The following TMEFF2 variants were observed in gnomAD, a reference collection of about 807,000 sequenced individuals.
The protein encoded by TMEFF2 is transmembrane protein with EGF like and two follistatin like domains 2, also known as tomoregulin-2.
In TMEFF2, 28 loss-of-function variants were observed where a neutral mutation model predicts 53.8. The observed-to-expected ratio is 0.52, with a 90% CI of 0.39 to 0.71. The LOEUF (loss-of-function observed/expected upper bound fraction) is 0.71, where lower values mean the gene tolerates loss of function less well. Ranked by LOEUF, TMEFF2 falls within the 30% of genes least tolerant of loss-of-function variation. The pLI is 0.00. For synonymous variants in TMEFF2, 162 were observed against 166.3 expected, an observed-to-expected ratio of 0.97 and a Z score of 0.20; for missense variants, 353 against 455.2, an observed-to-expected ratio of 0.78 and a Z score of 2.04.
At chr2:192,190,452 T>C (rs1358385182) in intron 2 of TMEFF2, among the ~76,000 whole-genome samples, 1 of 152,202 alleles carries the variant, frequency 6.6e-6, no homozygotes, top group Non-Finnish European at 1.5e-5. Flanking sequence ...TGGGTAAGTA[T>C]GAATTGGGGA....
chr2:192,086,127 G>A (rs926670244), intron 4 of TMEFF2, among the ~76,000 whole-genome samples: 2 of 152,110 alleles, frequency 1.3e-5, no homozygotes, highest in Admixed American at 1.3e-4. Context: ...ATTAGGGAAA[G>A]GCAATTATTT....
chr2:192,068,070 A>G (rs1286242430), intron 4 of TMEFF2, among the ~76,000 whole-genome samples: 2 of 151,886 alleles, frequency 1.3e-5, no homozygotes, highest in Non-Finnish European at 2.9e-5. Flanking sequence ...GAAAAAAAGT[A>G]GAGTTGGGTT....
chr2:192,024,749 A>G (rs1686931293), intron 5 of TMEFF2, among the ~76,000 whole-genome samples: 1 of 152,194 alleles, frequency 6.6e-6, no homozygotes, highest in East Asian at 1.9e-4. Flanking sequence ...CAATCGTCCA[A>G]TGACTTTTGC....
At chr2:192,073,636 C>T (rs1337402080) in intron 4 of TMEFF2, among the ~76,000 whole-genome samples, 2 of 151,818 alleles carry the variant, frequency 1.3e-5, no homozygotes, top group Non-Finnish European at 2.9e-5. Context: ...ATACAATATC[C>T]ATATCTATGA....
intron 7 of TMEFF2, among the ~76,000 whole-genome samples, chr2:191,963,277 C>G (rs1222194927): frequency 6.6e-6 from 1 of 152,184 alleles, no homozygotes; most frequent in Admixed American, 6.5e-5. Context: ...TATTTATTCT[C>G]TTCCTTTTTG....
intron 8 of TMEFF2, among the ~76,000 whole-genome samples, chr2:191,955,170 A>AGAGG (rs57231306): frequency 6.2e-4 from 2 of 3,244 alleles, no homozygotes; most frequent in African/African-American, 7.8e-4. Context: ...AGTGGGAGAG[A>AGAGG]GAGGGAGAGA....
intron 5 of TMEFF2, chr2:192,027,738 C>T (rs953214905): frequency 6.6e-6 from 1 of 152,194 alleles, no homozygotes; most frequent in African/African-American, 2.4e-5. Context: ...TTGTCATCAA[C>T]TTGATATTCT....
intron 2 of TMEFF2, among the ~76,000 whole-genome samples, chr2:192,187,841 A>G (rs1691352915): frequency 1.3e-5 from 2 of 152,254 alleles, no homozygotes; most frequent in South Asian, 4.1e-4. Context: ...CATTTTTGCT[A>G]CAAATTAATA....
intron 7 of TMEFF2, among the ~76,000 whole-genome samples, chr2:191,972,774 A>G (rs1692686022): frequency 6.6e-6 from 1 of 152,212 alleles, no homozygotes; most frequent in Admixed American, 6.5e-5. Context: ...GCTATTTTGT[A>G]CAATGGGAAA....
chr2:192,163,951 A>T (rs1255284452), intron 4 of TMEFF2, among the ~76,000 whole-genome samples: 1 of 152,182 alleles, frequency 6.6e-6, no homozygotes, highest in African/African-American at 2.4e-5. Flanking sequence ...CCCCCAGGAC[A>T]TCTGTCACCT....
At chr2:192,099,206 G>A (rs1370157173) in intron 4 of TMEFF2, among the ~76,000 whole-genome samples, 1 of 151,926 alleles carries the variant, frequency 6.6e-6, no homozygotes, top group Non-Finnish European at 1.5e-5. Flanking sequence ...TAAACAAAAT[G>A]TTATTTTGTT....
At chr2:192,161,288 T>C (rs1377593087) in intron 4 of TMEFF2, among the ~76,000 whole-genome samples, 11 of 152,072 alleles carry the variant, frequency 7.2e-5, no homozygotes, top group Admixed American at 6.6e-4. Context: ...CCCTAGTAGC[T>C]GGGATTACAG....
At chr2:192,078,457 C>T (rs1688482615) in intron 4 of TMEFF2, among the ~76,000 whole-genome samples, 1 of 152,114 alleles carries the variant, frequency 6.6e-6, no homozygotes, top group Admixed American at 6.6e-5. Flanking sequence ...TGTTCCTTTT[C>T]CTCAGAATTA....
chr2:192,082,011 A>C lies in TMEFF2; in HGVS notation c.440-24236T>G, dbSNP rs559264792. Among the ~76,000 whole-genome samples the C allele has an allele frequency of 1.8e-4, 28 of 152,184 alleles. 1 individual carries two copies. The highest frequency in any genetic ancestry group is 3.4e-3 in the Middle Eastern group (1 of 294). On this transcript the variant is annotated intron_variant, in intron 4 of 9. Transcript: ENST00000272771. ...GAGACAGGGTTTCACCGTGTTAGCC[A>C]GGATGGTCTTGATCTCCTGACCTCA...
intron 9 of TMEFF2, among the ~76,000 whole-genome samples, chr2:191,951,320 A>C (rs1025417245): frequency 1.6e-5 from 2 of 123,742 alleles, no homozygotes; most frequent in Non-Finnish European, 3.7e-5. Flanking sequence ...CAACAGGGCA[A>C]CTCTTCATTT....
At chr2:192,071,746 T>C (rs1385522170) in intron 4 of TMEFF2, among the ~76,000 whole-genome samples, 2 of 152,046 alleles carry the variant, frequency 1.3e-5, no homozygotes, top group East Asian at 3.9e-4. Context: ...ATAATCCTTA[T>C]ACTGTATTTA....
chr2:192,041,749 G>A (rs1574317931), intron 5 of TMEFF2, among the ~76,000 whole-genome samples: 1 of 152,102 alleles, frequency 6.6e-6, no homozygotes, highest in Non-Finnish European at 1.5e-5. Flanking sequence ...CCCAAATATG[G>A]TATATTCATA....
At chr2:192,130,697 A>C (rs1574399900) in intron 4 of TMEFF2, among the ~76,000 whole-genome samples, 1 of 148,572 alleles carries the variant, frequency 6.7e-6, no homozygotes, top group South Asian at 2.2e-4. Context: ...AAACGGCCCC[A>C]CCCCTATCTC....
At chr2:192,165,667 T>G (rs1320927055) in intron 4 of TMEFF2, among the ~76,000 whole-genome samples, 2 of 151,448 alleles carry the variant, frequency 1.3e-5, no homozygotes, top group Non-Finnish European at 2.9e-5. Context: ...TCCCATCCAC[T>G]CCCTTTCCTC....
Sources: gnomAD v4.1 joint callset for allele counts (sites outside exome capture counted in the v4.1 genomes callset) on GRCh38, gnomAD v4.1.1 for gene constraint, MANE v1.5 for transcripts, NCBI Gene and HGNC (gene_info 2026-07-23, HGNC 2026-07-21) for gene names.